Variants in AOPEP observed in about 807,000 individuals in gnomAD.
AOPEP encodes the protein aminopeptidase O (putative).
AOPEP carries 77 observed loss-of-function variants against 98.1 expected under a neutral mutation model. The ratio of observed to expected loss-of-function variants is 0.78; its 90% CI spans 0.65 to 0.95. The LOEUF is 0.95. AOPEP is among the 40% of genes least tolerant of loss of function. AOPEP has a pLI of 0.00. For synonymous variants in AOPEP, 346 were observed against 365.3 expected, an observed-to-expected ratio of 0.95 and a Z score of 0.60; for missense variants, 1,024 against 1,024.7, an observed-to-expected ratio of 1.00 and a Z score of 0.01.
At position 94,816,066 on chromosome 9, in the gene AOPEP, C is replaced by T. The variant is rs138433701; in HGVS notation, c.1364+15064C>T. On this transcript the variant is annotated intron_variant, in intron 5 of 16. Coordinates refer to ENST00000375315, the MANE Select transcript of AOPEP (RefSeq NM_001193329.3). ...GGGCCTTCACAAGGTGACCCTGGAACAAAGCTTGGTTTTCATCCTTTCCTT... is the reference window on the plus strand; with the variant it reads ...GGGCCTTCACAAGGTGACCCTGGAATAAAGCTTGGTTTTCATCCTTTCCTT... Among the ~76,000 whole-genome samples, 175 of 152,240 alleles carry T rather than the reference C, an allele frequency of 1.1e-3. 1 individual carries two copies. Among genetic ancestry groups the T allele is most frequent in the African/African-American group, 4.1e-3 (170 of 41,540 alleles).
intron 13 of AOPEP, among the ~76,000 whole-genome samples, chr9:95,012,062 A>C (rs879054580): frequency 6.6e-6 from 1 of 152,238 alleles, no homozygotes. Flanking sequence ...GTAAATGTAC[A>C]ATTAAAGTAG....
intron 10 of AOPEP, among the ~76,000 whole-genome samples, chr9:94,969,307 A>G (rs1259081185): frequency 6.6e-6 from 1 of 151,860 alleles, no homozygotes; most frequent in African/African-American, 2.4e-5. Context: ...GGGTTTGCAG[A>G]GGGGTCTTAG....
intron 3 of AOPEP, among the ~76,000 whole-genome samples, chr9:94,774,832 C>T (rs1841725671): frequency 6.6e-6 from 1 of 152,266 alleles, no homozygotes; most frequent in Admixed American, 6.5e-5. Flanking sequence ...TATGAGGGTC[C>T]TTGTCACCTG....
intron 13 of AOPEP, among the ~76,000 whole-genome samples, chr9:95,012,598 G>A (rs896173088): frequency 1.3e-5 from 2 of 152,148 alleles, no homozygotes; most frequent in Non-Finnish European, 2.9e-5. Flanking sequence ...TCTGTAGCAC[G>A]TACTGATGTC....
intron 5 of AOPEP, among the ~76,000 whole-genome samples, chr9:94,887,959 A>G (rs998306351): frequency 6.6e-6 from 1 of 152,234 alleles, no homozygotes; most frequent in Non-Finnish European, 1.5e-5. Flanking sequence ...AGGATTTGTC[A>G]TGTTGAAAGC....
At chr9:94,783,935 A>T (rs965029606) in intron 3 of AOPEP, among the ~76,000 whole-genome samples, 82 of 152,326 alleles carry the variant, frequency 5.4e-4, no homozygotes, top group African/African-American at 1.9e-3. Context: ...GGGGCTACTG[A>T]AGGATTGAGG....
chr9:94,962,747 T>G (rs2138193091), intron 9 of AOPEP, among the ~76,000 whole-genome samples: 1 of 150,288 alleles, frequency 6.7e-6, no homozygotes. Flanking sequence ...TTTTTTTTTT[T>G]TTTGAGACGA....
At chr9:94,993,864 G>T (rs767613479) in intron 11 of AOPEP, among the ~76,000 whole-genome samples, 6 of 152,094 alleles carry the variant, frequency 3.9e-5, no homozygotes, top group Non-Finnish European at 7.4e-5. Context: ...TCAGAATTTG[G>T]GACTCAGACT....
At chr9:94,805,313 A>G (rs1257789761) in intron 5 of AOPEP, among the ~76,000 whole-genome samples, 2 of 152,180 alleles carry the variant, frequency 1.3e-5, no homozygotes, top group African/African-American at 2.4e-5. Context: ...CAGACGGGCA[A>G]CCGTCCCTTT....
In AOPEP at chr9:95,032,195, G is replaced by A. The variant is rs568186916; in HGVS notation, c.2115+26579G>A. Among the ~76,000 whole-genome samples the A allele has an allele frequency of 5.3e-5, 8 of 152,304 alleles. No homozygotes were observed. The South Asian group carries it at 1.0e-3, about 20-fold the overall frequency. On this transcript the variant is annotated intron_variant, in intron 13 of 16. Transcript: ENST00000375315. ...AAAAACCCCACTGCACCTGGCCAGC[G>A]GAGGCCACCTGCTTCTGGCCCTTCC... is the stretch of plus-strand genomic sequence containing the variant.
At chr9:95,055,291 G>A (rs77053648) in intron 13 of AOPEP, among the ~76,000 whole-genome samples, 5,733 of 152,242 alleles carry the variant, frequency 0.038, 368 homozygotes, top group African/African-American at 0.13. Context: ...TGGCTAGTGT[G>A]TGGGCAGTAA....
chr9:94,988,872 T>C (rs764123905), intron 11 of AOPEP, among the ~76,000 whole-genome samples: 8 of 152,090 alleles, frequency 5.3e-5, no homozygotes, highest in Non-Finnish European at 8.8e-5. Context: ...TTATCTCATA[T>C]TCTGAAATAT....
chr9:95,107,673 C>A, the AOPEP span, among the ~76,000 whole-genome samples: 1 of 152,172 alleles, frequency 6.6e-6, no homozygotes, highest in African/African-American at 2.4e-5. Flanking sequence ...AGCCAGTGTT[C>A]CCATACGAAT....
intron 5 of AOPEP, among the ~76,000 whole-genome samples, chr9:94,907,989 C>G (rs1009739687): frequency 1.3e-5 from 2 of 152,166 alleles, no homozygotes; most frequent in Admixed American, 6.5e-5. Flanking sequence ...ATTTTCCTCA[C>G]TTTTCCTGAG....
chr9:94,882,865 C>A lies in AOPEP; in HGVS notation c.1365-41121C>A, dbSNP rs2047752633. On this transcript the variant is annotated intron_variant, in intron 5 of 16. Coordinates refer to ENST00000375315, the MANE Select transcript of AOPEP (RefSeq NM_001193329.3). ...CTAAGTTGTCTCCAGAAAGGTTAAC[C>A]CGTTTTTCCAAAAATACGTACATTG... 2.0e-5 allele frequency among the ~76,000 whole-genome samples: 3 copies of A among 152,130 alleles called. No homozygotes were observed. In the South Asian group the frequency reaches 6.2e-4, roughly 32 times the overall value.
At chr9:95,128,923 T>C in the AOPEP span, among the ~76,000 whole-genome samples, 1 of 151,084 alleles carries the variant, frequency 6.6e-6, no homozygotes, top group African/African-American at 2.5e-5. Context: ...TTTTTTTTTT[T>C]GAGACAGGGT....
intron 7 of AOPEP, chr9:94,932,913 G>A: frequency 1.0e-6 from 1 of 985,348 alleles, no homozygotes; most frequent in Admixed American, 6.1e-5. Context: ...ATTGGCTGGA[G>A]AGCCTGTAAT....
intron 16 of AOPEP, 140 bp downstream of exon 16, chr9:95,082,859 G>A: frequency 9.4e-6 from 9 of 960,774 alleles, no homozygotes; most frequent in East Asian, 2.7e-5. Context: ...GGCCTGGAGA[G>A]TAACTGGCCA....
chr9:95,023,308 C>T (rs926055529), intron 13 of AOPEP, among the ~76,000 whole-genome samples: 30 of 152,164 alleles, frequency 2.0e-4, no homozygotes, highest in South Asian at 6.2e-4. Flanking sequence ...GATGAGGGCA[C>T]GTTTGGAACA....
Sources: gnomAD v4.1 joint callset for allele counts (sites outside exome capture counted in the v4.1 genomes callset) on GRCh38, gnomAD v4.1.1 for gene constraint, MANE v1.5 for transcripts, NCBI Gene and HGNC (gene_info 2026-07-23, HGNC 2026-07-21) for gene names.